The following VIT variants were observed in gnomAD, a reference collection of about 807,000 sequenced individuals.
VIT encodes vitrin.
In VIT, 99 loss-of-function variants were observed where a neutral mutation model predicts 78.0. The ratio of observed to expected loss-of-function variants is 1.27; its 90% confidence interval spans 1.08 to 1.50. The LOEUF is 1.50. VIT is among the 40% of genes most tolerant of loss of function. The pLI, the probability that VIT is intolerant of heterozygous loss-of-function variation, is 0.00. For missense variants in VIT, 1,126 were observed against 875.3 expected, an observed-to-expected ratio of 1.29 and a Z score of -3.61; for synonymous variants, 374 against 334.3, an observed-to-expected ratio of 1.12 and a Z score of -1.29.
intron 2 of VIT, among the ~76,000 whole-genome samples, chr2:36,726,572 G>A (rs1022925175): frequency 5.3e-5 from 8 of 152,072 alleles, no homozygotes; most frequent in South Asian, 2.1e-4. Context: ...GCCGGGTGTG[G>A]TGGCTCATGC....
chr2:36,725,373 T>G (rs1329963227), intron 2 of VIT, among the ~76,000 whole-genome samples: 1 of 152,154 alleles, frequency 6.6e-6, no homozygotes, highest in African/African-American at 2.4e-5. Flanking sequence ...AGGGTGCTGA[T>G]GGATTCAGAG....
chr2:36,811,623 A>T (rs990701155), intron 15 of VIT, among the ~76,000 whole-genome samples: 1 of 151,612 alleles, frequency 6.6e-6, no homozygotes, highest in Admixed American at 6.6e-5. Context: ...ACAAGAGTGG[A>T]CTTGGGATCT....
chr2:36,801,615 C>T (rs1469740848), intron 13 of VIT, among the ~76,000 whole-genome samples: 1 of 152,058 alleles, frequency 6.6e-6, no homozygotes, highest in Non-Finnish European at 1.5e-5. Context: ...CAAGATCAGC[C>T]TGGCCAGCAT....
At chr2:36,788,518 A>T (rs1665263058) in intron 12 of VIT, among the ~76,000 whole-genome samples, 1 of 152,222 alleles carries the variant, frequency 6.6e-6, no homozygotes, top group Non-Finnish European at 1.5e-5. Flanking sequence ...TCAATTAGAT[A>T]AAAATAACCC....
intron 6 of VIT, chr2:36,759,434 G>C (rs186604478): frequency 2.1e-5 from 26 of 1,267,832 alleles, no homozygotes; most frequent in Non-Finnish European, 3.0e-6. Flanking sequence ...CAAAGAGAAC[G>C]AGGTGGTTTA....
intron 12 of VIT, 137 bp downstream of exon 12, chr2:36,787,413 T>A: frequency 8.1e-7 from 1 of 1,227,112 alleles, no homozygotes; most frequent in Non-Finnish European, 1.1e-6. Context: ...CTAATGCAAA[T>A]GTAAATGAAA....
rs557077907 is a variant in VIT, at chr2:36,746,450, A to G, written c.275+3194A>G. 3.4e-4 allele frequency among the ~76,000 whole-genome samples: 51 copies of G among 151,790 alleles called. No homozygotes were observed. In the South Asian group the frequency reaches 0.011, roughly 32 times the overall value. ...TCTGGTCCAGGGCTTTTTTTTGGTT[A>G]GTAGGTTTTTTATTATTAATTCAAT... is the stretch of plus-strand genomic sequence containing the variant. On this transcript the variant is annotated intron_variant, in intron 4 of 15. Coordinates refer to ENST00000379242, the MANE Select transcript of VIT (RefSeq NM_053276.4).
chr2:36,790,301 C>A (rs575101527), intron 12 of VIT, among the ~76,000 whole-genome samples: 27 of 152,222 alleles, frequency 1.8e-4, no homozygotes, highest in African/African-American at 6.0e-4. Flanking sequence ...CCCTCCTCTG[C>A]CTGCATCTCT....
intron 12 of VIT, among the ~76,000 whole-genome samples, chr2:36,799,813 C>T (rs1006879376): frequency 1.3e-5 from 2 of 152,094 alleles, no homozygotes; most frequent in African/African-American, 4.8e-5. Context: ...TTTGGAAGGC[C>T]AAGGCAGGCA....
intron 13 of VIT, among the ~76,000 whole-genome samples, chr2:36,804,283 C>T (rs374346906): frequency 2.0e-5 from 3 of 152,342 alleles, no homozygotes; most frequent in African/African-American, 7.2e-5. Flanking sequence ...TCTGTCAGTT[C>T]CCAGTGGGTG....
chr2:36,725,595 T>G (rs1666784691), intron 2 of VIT, among the ~76,000 whole-genome samples: 1 of 60,394 alleles, frequency 1.7e-5, no homozygotes, highest in African/African-American at 7.3e-5. Flanking sequence ...GAATTCTAGT[T>G]GAGGGGTGGG....
intron 3 of VIT, among the ~76,000 whole-genome samples, chr2:36,735,852 T>C (rs1667480185): frequency 6.6e-6 from 1 of 152,126 alleles, no homozygotes; most frequent in Non-Finnish European, 1.5e-5. Context: ...GGAGAGAGTG[T>C]TGTCTTTGCG....
rs1669969729 is a variant in VIT at position 36,775,049 on chromosome 2, G to A, written c.784G>A (p.Gly262Arg). ...PSGAAFQKPVGADVSLGEMDS... is the reference protein window; with the variant it reads ...PSGAAFQKPVRADVSLGEMDS... ...AGGAGCTGCCTTCCAGAAACCTGTT[G>A]GAGCGGATGTCAGCCTGGGTAAGCT... Residue 262 changes from glycine to arginine, a missense_variant, in exon 9 of 16, where the codon GGA becomes AGA. Physicochemically the swap from Gly to Arg is moderately radical, Grantham distance 125. Coordinates refer to ENST00000379242, the MANE Select transcript of VIT (RefSeq NM_053276.4). 1 of 1,613,976 alleles carries A rather than the reference G, an allele frequency of 6.2e-7. No individual in the cohort carries two copies. The highest frequency in any genetic ancestry group is 8.5e-7 in the Non-Finnish European group (1 of 1,179,998).
Position 36,716,352 on chromosome 2 carries a change from G to C in VIT, c.-18-1G>C. The stretch of plus-strand genomic sequence containing the variant: ...TGACGTTATTGTTTCTTTCTCTCCA[G>C]GGTGTCATTCTGATATTTATGAGGA... On this transcript the variant is annotated splice_acceptor_variant, in intron 1 of 15. Coordinates refer to ENST00000379242, the MANE Select transcript of VIT (RefSeq NM_053276.4). LOFTEE classifies it low-confidence loss of function (5UTR_SPLICE). 2 of 1,612,816 alleles carry C rather than the reference G, an allele frequency of 1.2e-6. No individual in the cohort carries two copies. The highest frequency in any genetic ancestry group is 1.7e-6 in the Non-Finnish European group (2 of 1,179,198).
At chr2:36,713,858 T>G (rs1665964615) in intron 1 of VIT, among the ~76,000 whole-genome samples, 1 of 152,188 alleles carries the variant, frequency 6.6e-6, no homozygotes, top group South Asian at 2.1e-4. Context: ...CTTGGCATAC[T>G]GCATTTATCC....
intron 12 of VIT, among the ~76,000 whole-genome samples, chr2:36,789,636 T>C (rs1256912421): frequency 1.3e-5 from 2 of 152,036 alleles, no homozygotes; most frequent in Admixed American, 6.6e-5. Flanking sequence ...TCCCCTTCAA[T>C]CCCCGCTGTA....
chr2:36,712,498 A>C (rs910447779), intron 1 of VIT, among the ~76,000 whole-genome samples: 2 of 152,168 alleles, frequency 1.3e-5, no homozygotes, highest in South Asian at 2.1e-4. Flanking sequence ...CTGCTTTATT[A>C]GTTTTTATTG....
At chr2:36,810,075 C>T (rs1186528596) in intron 15 of VIT, among the ~76,000 whole-genome samples, 5 of 151,316 alleles carry the variant, frequency 3.3e-5, no homozygotes, top group East Asian at 2.0e-4. Flanking sequence ...GCGGATCACC[C>T]GAGGTTGGGA....
intron 15 of VIT, among the ~76,000 whole-genome samples, chr2:36,809,577 C>G (rs1252606814): frequency 6.6e-6 from 1 of 152,036 alleles, no homozygotes; most frequent in Non-Finnish European, 1.5e-5. Context: ...GCCACCACAC[C>G]CGGCTAATTT....
Sources: gnomAD v4.1 joint callset for allele counts (sites outside exome capture counted in the v4.1 genomes callset) on GRCh38, gnomAD v4.1.1 for gene constraint, MANE v1.5 for transcripts, NCBI Gene and HGNC (gene_info 2026-07-23, HGNC 2026-07-21) for gene names.